Variants in ANO2 observed in about 807,000 individuals in gnomAD.
ANO2 encodes the protein anoctamin 2.
Under a neutral mutation model 124.2 loss-of-function variants are expected in ANO2, and 101 were observed. The ratio of observed to expected loss-of-function variants is 0.81; its 90% confidence interval spans 0.69 to 0.96. The LOEUF (loss-of-function observed/expected upper bound fraction) is 0.96, where lower values mean the gene tolerates loss of function less well. ANO2 is among the 40% of genes least tolerant of loss of function. The probability of loss-of-function intolerance (pLI) is 0.00; values close to 1 mark genes in which losing one functional copy is unlikely to be tolerated. For missense variants in ANO2, 1,293 were observed against 1,274.5 expected, an observed-to-expected ratio of 1.01 and a Z score of -0.22; for synonymous variants, 486 against 482.5, an observed-to-expected ratio of 1.01 and a Z score of -0.09.
intron 15 of ANO2, among the ~76,000 whole-genome samples, chr12:5,639,063 G>A (rs1946194284): frequency 3.9e-5 from 6 of 152,156 alleles, no homozygotes. Context: ...AGAGAGCAGG[G>A]GGATTAGTCA....
At chr12:5,832,631 A>T in intron 4 of ANO2, 28 bp from the exon 5 acceptor site, 1 of 1,592,648 alleles carries the variant, frequency 6.3e-7, no homozygotes, top group African/African-American at 1.3e-5. Flanking sequence ...ACAGGTCTGA[A>T]AAGGGGGCCA....
At chr12:5,842,464 C>A (rs150327239) in intron 4 of ANO2, among the ~76,000 whole-genome samples, 3,294 of 152,210 alleles carry the variant, frequency 0.022, 52 homozygotes, top group Non-Finnish European at 0.033. Flanking sequence ...TGATGCCCTG[C>A]CCTTTTCTCG....
chr12:5,689,574 C>T (rs1001163543), intron 14 of ANO2, among the ~76,000 whole-genome samples: 1 of 152,164 alleles, frequency 6.6e-6, no homozygotes, highest in Non-Finnish European at 1.5e-5. Flanking sequence ...CAAGCTCTCA[C>T]TGACACTGGC....
In ANO2 at chr12:5,718,453, G is replaced by A. The variant is rs887614793; in HGVS notation, c.1545+14067C>T. 2.6e-5 allele frequency among the ~76,000 whole-genome samples: 4 copies of A among 152,288 alleles called. No homozygotes were observed. The South Asian group carries it at 6.2e-4, about 24-fold the overall frequency. ...CTATCATCTGTCACTTCCCAAAAAC[G>A]TAGTTCACCCAACGTCCATAGAAAT... is the stretch of plus-strand genomic sequence containing the variant. On this transcript the variant is annotated intron_variant, in intron 14 of 24. Coordinates refer to ENST00000682330, the MANE Select transcript of ANO2 (RefSeq NM_001364791.2).
At chr12:5,744,416 T>A in intron 11 of ANO2, 99 bp from the exon 12 acceptor site, 3 of 1,389,940 alleles carry the variant, frequency 2.2e-6, no homozygotes, top group Non-Finnish European at 3.0e-6. Flanking sequence ...AAATCTATGG[T>A]TGAGTTTTTC....
At chr12:5,873,585 T>C (rs899103734) in intron 3 of ANO2, among the ~76,000 whole-genome samples, 3 of 152,216 alleles carry the variant, frequency 2.0e-5, no homozygotes, top group African/African-American at 7.2e-5. Context: ...GAGGAGCATG[T>C]CCTGGCGATT....
intron 23 of ANO2, among the ~76,000 whole-genome samples, chr12:5,570,299 G>A (rs10492186): frequency 0.26 from 39,979 of 151,944 alleles, 5,391 homozygotes; most frequent in Admixed American, 0.33. Context: ...AATGCCTAGA[G>A]AACATTCACC....
intron 10 of ANO2, among the ~76,000 whole-genome samples, chr12:5,796,494 CAG>C (rs1952861506): frequency 4.1e-5 from 6 of 147,014 alleles, no homozygotes. Flanking sequence ...TCACAACACA[CAG>C]AGACACACTC....
intron 3 of ANO2, among the ~76,000 whole-genome samples, chr12:5,906,759 C>CA (rs1940726171): frequency 6.6e-6 from 1 of 151,746 alleles, no homozygotes; most frequent in African/African-American, 2.4e-5. Context: ...CGCACCACTG[C>CA]ACTCCAGCCT....
intron 4 of ANO2, among the ~76,000 whole-genome samples, chr12:5,848,802 CA>C (rs1310235239): frequency 6.6e-6 from 1 of 152,232 alleles, no homozygotes; most frequent in Non-Finnish European, 1.5e-5. Context: ...CTGCTTCCCC[CA>C]ACATTGCAGA....
chr12:5,745,505 A>G (rs936804798), intron 11 of ANO2, among the ~76,000 whole-genome samples: 13 of 152,188 alleles, frequency 8.5e-5, no homozygotes, highest in African/African-American at 3.1e-4. Context: ...AGGGAGAGCA[A>G]GCTGGTGCCC....
chr12:5,791,023 T>C (rs1297309996), intron 10 of ANO2, among the ~76,000 whole-genome samples: 1 of 152,110 alleles, frequency 6.6e-6, no homozygotes, highest in Admixed American at 6.5e-5. Flanking sequence ...CCCCTTGAAC[T>C]TCAGTAACAT....
intron 4 of ANO2, among the ~76,000 whole-genome samples, chr12:5,845,897 C>T (rs749030948): frequency 2.6e-5 from 4 of 152,162 alleles, no homozygotes; most frequent in Non-Finnish European, 4.4e-5. Context: ...AAGGCTCTTA[C>T]GAAATGGTCT....
At chr12:5,616,791 C>T (rs1295843508) in intron 16 of ANO2, among the ~76,000 whole-genome samples, 1 of 152,162 alleles carries the variant, frequency 6.6e-6, no homozygotes, top group African/African-American at 2.4e-5. Flanking sequence ...TCCTTTATAT[C>T]CTTTAATATA....
chr12:5,595,293 T>G (rs1330082586), intron 20 of ANO2, among the ~76,000 whole-genome samples: 1 of 152,152 alleles, frequency 6.6e-6, no homozygotes, highest in Non-Finnish European at 1.5e-5. Flanking sequence ...CTCAGACTCC[T>G]GGGCTCAAGC....
rs1358731682 is a variant in ANO2 at position 5,758,856 on chromosome 12, C to T, written c.1056-7886G>A. 2.0e-5 allele frequency among the ~76,000 whole-genome samples: 3 copies of T among 152,070 alleles called. No homozygotes were observed. The East Asian group carries it at 5.8e-4, about 29-fold the overall frequency. On this transcript the variant is annotated intron_variant, in intron 10 of 24. Transcript: ENST00000682330. ...TAAACAAATAAAATAAAATAAAATCCCATTGTCAGGAAATAAGGCAATCAA... is the reference window on the plus strand; with the variant it reads ...TAAACAAATAAAATAAAATAAAATCTCATTGTCAGGAAATAAGGCAATCAA...
intron 13 of ANO2, among the ~76,000 whole-genome samples, chr12:5,735,417 C>A (rs1314078099): frequency 1.3e-5 from 2 of 152,124 alleles, no homozygotes; most frequent in South Asian, 2.1e-4. Context: ...TGTCTTCAAC[C>A]AGGAGTCATC....
intron 20 of ANO2, among the ~76,000 whole-genome samples, chr12:5,595,537 T>C (rs774492242): frequency 6.6e-6 from 1 of 152,166 alleles, no homozygotes; most frequent in Admixed American, 6.6e-5. Flanking sequence ...GTGTCTGTTA[T>C]ATGCCAGGAA....
At chr12:5,710,017 A>G (rs1035842860) in intron 14 of ANO2, among the ~76,000 whole-genome samples, 7 of 152,230 alleles carry the variant, frequency 4.6e-5, no homozygotes, top group East Asian at 1.9e-4. Context: ...TGAGGATTCA[A>G]TAGGAGAGGA....
Sources: gnomAD v4.1 joint callset for allele counts (sites outside exome capture counted in the v4.1 genomes callset) on GRCh38, gnomAD v4.1.1 for gene constraint, MANE v1.5 for transcripts, NCBI Gene and HGNC (gene_info 2026-07-23, HGNC 2026-07-21) for gene names.